The following ZBTB44 variants were observed in gnomAD, a reference collection of about 807,000 sequenced individuals.
The protein encoded by ZBTB44 is zinc finger and BTB domain containing 44.
Under a neutral mutation model 54.0 loss-of-function variants are expected in ZBTB44, and 15 were observed. The observed-to-expected ratio is 0.28, with a 90% CI of 0.19 to 0.43. The LOEUF (loss-of-function observed/expected upper bound fraction) is 0.43, where lower values mean the gene tolerates loss of function less well. Ranked by LOEUF, ZBTB44 falls within the 20% of genes least tolerant of loss-of-function variation. The pLI is 1.00. For synonymous variants in ZBTB44, 230 were observed against 250.1 expected, an observed-to-expected ratio of 0.92 and a Z score of 0.76; for missense variants, 487 against 707.1, an observed-to-expected ratio of 0.69 and a Z score of 3.53.
intron 1 of ZBTB44, among the ~76,000 whole-genome samples, chr11:130,307,452 T>C (rs1008871808): frequency 5.3e-5 from 8 of 152,026 alleles, no homozygotes; most frequent in African/African-American, 1.4e-4. Context: ...TCTACTGTTA[T>C]TGTTTTATCA....
intron 1 of ZBTB44, among the ~76,000 whole-genome samples, chr11:130,292,348 C>A (rs1592049195): frequency 1.3e-5 from 2 of 152,108 alleles, no homozygotes; most frequent in Admixed American, 1.3e-4. Context: ...AAAAAAGTCA[C>A]TATCCACCAG....
chr11:130,256,453 G>A lies in ZBTB44; in HGVS notation c.1018+4403C>T, dbSNP rs182661050. ...AGCATTTTGGGACGCCGAGGCAGGC[G>A]GATCACGAGGTCAAGAGATCGAGAC... is the stretch of plus-strand genomic sequence containing the variant. On this transcript the variant is annotated intron_variant, in intron 2 of 7. Coordinates refer to ENST00000357899, the MANE Select transcript of ZBTB44 (RefSeq NM_001301098.2). 3.1e-3 allele frequency among the ~76,000 whole-genome samples: 468 copies of A among 152,228 alleles called. 1 individual carries two copies. The highest frequency in any genetic ancestry group is 5.0e-3 in the Non-Finnish European group (340 of 68,012).
chr11:130,296,604 T>C lies in ZBTB44; in HGVS notation c.-57+17771A>G, dbSNP rs1941667074. On this transcript the variant is annotated intron_variant, in intron 1 of 7. Transcript: ENST00000357899. The stretch of plus-strand genomic sequence containing the variant: ...CGTGTAGGTAGAACAGCCAGAGGCC[T>C]AAATGGGAGAAGACATGCCTTGCCC... 9 of 888,876 alleles carry C rather than the reference T, an allele frequency of 1.0e-5. No individual in the cohort carries two copies. The Admixed American group carries it at 1.6e-4, about 15-fold the overall frequency. 55.1% of individuals were successfully genotyped at this position (888,876 alleles called of 1,614,324 possible).
chr11:130,281,339 G>GT (rs1252581714), intron 1 of ZBTB44, among the ~76,000 whole-genome samples: 2 of 151,904 alleles, frequency 1.3e-5, no homozygotes, highest in African/African-American at 2.4e-5. Context: ...AGGCAACACA[G>GT]TGAGACCCTG....
chr11:130,292,128 C>T (rs573758253), intron 1 of ZBTB44, among the ~76,000 whole-genome samples: 1 of 152,238 alleles, frequency 6.6e-6, no homozygotes, highest in Admixed American at 6.5e-5. Flanking sequence ...AATACTATTT[C>T]ATTGCATGGA....
intron 2 of ZBTB44, among the ~76,000 whole-genome samples, chr11:130,252,367 C>T (rs534377723): frequency 3.7e-4 from 57 of 152,238 alleles, no homozygotes; most frequent in South Asian, 2.9e-3. Flanking sequence ...GACAGATCAA[C>T]GAGACAGAAA....
chr11:130,261,878 T>C lies in ZBTB44; in HGVS notation c.-5A>G. ...AGTAAATGTTTTCACACCCATCTTT[T>C]ACTTCCTCTTCTACAGATGCTCTTC... is the stretch of plus-strand genomic sequence containing the variant. On this transcript the variant is annotated 5_prime_UTR_variant, in exon 2 of 8. Transcript: ENST00000357899. This position sits in a 1 kb window ranked among gnomAD's most constrained non-coding sequence, Gnocchi z 4.8. The C allele has an allele frequency of 1.3e-6, 2 of 1,596,328 alleles. No individual in the cohort carries two copies. Among genetic ancestry groups the C allele is most frequent in the Non-Finnish European group, 1.7e-6 (2 of 1,169,362 alleles).
At chr11:130,274,074 C>A in intron 1 of ZBTB44, among the ~76,000 whole-genome samples, 1 of 151,156 alleles carries the variant, frequency 6.6e-6, no homozygotes, top group African/African-American at 2.4e-5. Flanking sequence ...AGTGACAGAG[C>A]AAGATTGTCT....
chr11:130,311,471 C>T (rs1942600201), intron 1 of ZBTB44, among the ~76,000 whole-genome samples: 2 of 152,094 alleles, frequency 1.3e-5, no homozygotes, highest in Admixed American at 6.5e-5. Context: ...GGCCTTTCAA[C>T]GTCCTGGGAT....
chr11:130,293,770 T>C (rs1941457572), intron 1 of ZBTB44, among the ~76,000 whole-genome samples: 2 of 152,242 alleles, frequency 1.3e-5, no homozygotes, highest in African/African-American at 4.8e-5. Flanking sequence ...CACTCCAGCC[T>C]GGGCAACAAA....
At position 130,257,580 on chromosome 11, in the gene ZBTB44, A is replaced by G. The variant is rs180780960; in HGVS notation, c.1018+3276T>C. On this transcript the variant is annotated intron_variant, in intron 2 of 7. Transcript: ENST00000357899. ...GGATTCTTCCCTACAATCTTCAAAG[A>G]GAGAAAGATCCTTCAAAGGGAACTA... Among the ~76,000 whole-genome samples the G allele has an allele frequency of 3.9e-5, 6 of 152,362 alleles. No individual in the cohort carries two copies. The East Asian group carries it at 1.2e-3, about 29-fold the overall frequency.
At chr11:130,251,099 A>T (rs1214750149) in intron 2 of ZBTB44, among the ~76,000 whole-genome samples, 1 of 152,224 alleles carries the variant, frequency 6.6e-6, no homozygotes, top group East Asian at 1.9e-4. Flanking sequence ...GGAAGAACAT[A>T]AATGACCTGA....
intron 7 of ZBTB44, chr11:130,232,402 G>A (rs1196832195): frequency 2.0e-5 from 3 of 152,106 alleles, no homozygotes; most frequent in Non-Finnish European, 4.4e-5. Flanking sequence ...ATGCTTTAAT[G>A]GCACCAGATG....
intron 1 of ZBTB44, among the ~76,000 whole-genome samples, chr11:130,300,579 G>C (rs1279561593): frequency 6.6e-6 from 1 of 152,180 alleles, no homozygotes; most frequent in Non-Finnish European, 1.5e-5. Flanking sequence ...AGGGAAACCT[G>C]TGAAAGAGAT....
Position 130,314,418 on chromosome 11 carries a change from C to A in ZBTB44, c.-100G>T, listed in dbSNP as rs1942822346. On this transcript the variant is annotated 5_prime_UTR_variant, in exon 1 of 8. Transcript: ENST00000357899. ...GGCCCGGAGGCCTGCTGCTCCTCCT[C>A]CTTCTCCCGCCAGGCTGGGGCGGCG... 1 of 154,450 alleles carries A rather than the reference C, an allele frequency of 6.5e-6. No homozygotes were observed. The highest frequency in any genetic ancestry group is 6.6e-5 in the Admixed American group (1 of 15,262). The allele number at this position is 154,450 out of a possible 1,614,324, so 9.6% of individuals were successfully genotyped here.
intron 5 of ZBTB44, 58 bp from the exon 6 acceptor site, chr11:130,234,331 G>T: frequency 6.9e-7 from 1 of 1,445,460 alleles, no homozygotes; most frequent in Non-Finnish European, 9.2e-7. Flanking sequence ...TAATAGATAA[G>T]CAACAGTAAA....
chr11:130,296,220 G>A (rs1404072470), intron 1 of ZBTB44: 3 of 1,301,262 alleles, frequency 2.3e-6, no homozygotes, highest in Non-Finnish European at 3.3e-6. Flanking sequence ...TGTTGATGAT[G>A]ATAAAGCTAA....
rs1017908737 is a variant in ZBTB44 at position 130,243,169 on chromosome 11, T to C, written c.1019-3273A>G. On this transcript the variant is annotated intron_variant, in intron 2 of 7. Coordinates refer to ENST00000357899, the MANE Select transcript of ZBTB44 (RefSeq NM_001301098.2). ...AAATACAGTAAGCATATTTACTTTA[T>C]ATCTGTGCTTGAAAACTACGCCAAG... Among the ~76,000 whole-genome samples, 3 of 152,250 alleles carry C rather than the reference T, an allele frequency of 2.0e-5. No homozygotes were observed. The South Asian group carries it at 6.2e-4, about 31-fold the overall frequency.
In ZBTB44 at chr11:130,286,930, A is replaced by G. The variant is rs76705921; in HGVS notation, c.-56-25001T>C. 2.5e-3 allele frequency among the ~76,000 whole-genome samples: 383 copies of G among 152,338 alleles called. 2 individuals are homozygous for G. The highest frequency in any genetic ancestry group is 3.1e-3 in the Non-Finnish European group (209 of 68,026). On this transcript the variant is annotated intron_variant, in intron 1 of 7. Transcript: ENST00000357899. ...ATGGTGCAGCAGTGATTAACAGATA[A>G]GCTATCATTATTGACAGATCTCTGA...
Sources: gnomAD v4.1 joint callset for allele counts (sites outside exome capture counted in the v4.1 genomes callset) on GRCh38, gnomAD v4.1.1 for gene constraint, Gnocchi (gnomAD v3.1) non-coding constraint, MANE v1.5 for transcripts, NCBI Gene and HGNC (gene_info 2026-07-23, HGNC 2026-07-21) for gene names.